Variants in AGXT2 observed in about 807,000 individuals in gnomAD.
AGXT2 encodes the protein alanine--glyoxylate aminotransferase 2, mitochondrial.
A neutral mutation model predicts 62.5 loss-of-function variants in AGXT2; 61 were observed. The observed-to-expected ratio is 0.98, with a 90% confidence interval of 0.79 to 1.21. AGXT2 has a LOEUF of 1.21. AGXT2 is among the 50% of genes most tolerant of loss of function. The probability of loss-of-function intolerance (pLI) is 0.00; values close to 1 mark genes in which losing one functional copy is unlikely to be tolerated. For missense variants in AGXT2, 666 were observed against 641.5 expected (o/e 1.04, Z -0.41); for synonymous variants, 243 against 218.7 (o/e 1.11, Z -0.98).
chr5:35,042,948 T>G (rs1208628029), intron 1 of AGXT2, among the ~76,000 whole-genome samples: 1 of 152,202 alleles, frequency 6.6e-6, no homozygotes, highest in African/African-American at 2.4e-5. Flanking sequence ...ATTCACCAGT[T>G]TTCACTTCAA....
chr5:35,007,681 A>G (rs1336251440), intron 12 of AGXT2, among the ~76,000 whole-genome samples: 1 of 152,198 alleles, frequency 6.6e-6, no homozygotes, highest in Non-Finnish European at 1.5e-5. Context: ...TTATACTAAC[A>G]AATGGTTCAG....
At chr5:35,021,998 G>T (rs1449405734) in intron 9 of AGXT2, among the ~76,000 whole-genome samples, 2 of 152,168 alleles carry the variant, frequency 1.3e-5, no homozygotes, top group Non-Finnish European at 2.9e-5. Flanking sequence ...GGCCATCAGA[G>T]AAATGCAAAT....
chr5:35,010,188 A>C, intron 11 of AGXT2, 39 bp from the exon 12 acceptor site: 1 of 1,613,506 alleles, frequency 6.2e-7, no homozygotes, highest in Non-Finnish European at 8.5e-7. Context: ...ACATGGCAGA[A>C]GTTCTAAGAT....
At chr5:35,019,427 A>C (rs1766979697) in intron 9 of AGXT2, among the ~76,000 whole-genome samples, 3 of 150,746 alleles carry the variant, frequency 2.0e-5, no homozygotes, top group South Asian at 2.1e-4. Context: ...ATCTCACTCA[A>C]AACCGCTCAA....
rs1410395182 is a variant in AGXT2 at position 35,003,851 on chromosome 5, C to G, written c.1349G>C (p.Arg450Pro). Residue 450 changes from arginine to proline, a missense_variant, in exon 13 of 14, where the codon CGG (arginine) becomes CCG (proline). Physicochemically the swap from Arg to Pro is moderately radical, Grantham distance 103. Coordinates refer to ENST00000231420, the MANE Select transcript of AGXT2 (RefSeq NM_031900.4). ...ATTTACTTCTTCACGGGGAAGAGGCCGACAGCTTATCTGTAAATATATTTT... is the reference window on the plus strand; with the variant it reads ...ATTTACTTCTTCACGGGGAAGAGGCGGACAGCTTATCTGTAAATATATTTT... ...IEMVQDKISC[R>P]PLPREEVNQI... 5.0e-6 allele frequency: 8 copies of G among 1,613,822 alleles called. No individual in the cohort carries two copies. Among genetic ancestry groups the G allele is most frequent in the Non-Finnish European group, 5.9e-6 (7 of 1,179,820 alleles).
chr5:35,010,355 A>T (rs542605351), intron 11 of AGXT2, among the ~76,000 whole-genome samples: 1 of 152,042 alleles, frequency 6.6e-6, no homozygotes, highest in Non-Finnish European at 1.5e-5. Flanking sequence ...TCTGCCCCCA[A>T]CTCCCTCACC....
intron 4 of AGXT2, among the ~76,000 whole-genome samples, chr5:35,036,106 A>G (rs1767760448): frequency 6.6e-6 from 1 of 152,062 alleles, no homozygotes; most frequent in Non-Finnish European, 1.5e-5. Context: ...AGTAAACAAA[A>G]AATGCAGCTC....
At chr5:35,007,668 T>C (rs960998952) in intron 12 of AGXT2, among the ~76,000 whole-genome samples, 1 of 152,198 alleles carries the variant, frequency 6.6e-6, no homozygotes, top group Admixed American at 6.5e-5. Context: ...TTAGAGCCCA[T>C]GCTTATACTA....
rs76383366 is a variant in AGXT2 at position 35,006,219 on chromosome 5, C to A, written c.1339-2358G>T. 5.3e-5 allele frequency among the ~76,000 whole-genome samples: 8 copies of A among 152,260 alleles called. No homozygotes were observed. The East Asian group carries it at 1.5e-3, about 29-fold the overall frequency. ...CAATTTTTCATGATTATAAACAATGCTGCAAATATTCCTATTCATACATAT... is the reference window on the plus strand; with the variant it reads ...CAATTTTTCATGATTATAAACAATGATGCAAATATTCCTATTCATACATAT... On this transcript the variant is annotated intron_variant, in intron 12 of 13. Transcript: ENST00000231420.
chr5:35,021,909 T>C, intron 9 of AGXT2, among the ~76,000 whole-genome samples: 1 of 152,046 alleles, frequency 6.6e-6, no homozygotes, highest in Non-Finnish European at 1.5e-5. Flanking sequence ...AACAATTGGG[T>C]GAAGGATATG....
intron 5 of AGXT2, among the ~76,000 whole-genome samples, chr5:35,034,599 C>T (rs13185749): frequency 0.27 from 41,105 of 152,078 alleles, 6,097 homozygotes; most frequent in Non-Finnish European, 0.34. Flanking sequence ...TATACAATTA[C>T]CCAAGGGAGG....
intron 2 of AGXT2, among the ~76,000 whole-genome samples, chr5:35,040,045 G>T (rs1410061502): frequency 6.6e-6 from 1 of 151,718 alleles, no homozygotes; most frequent in African/African-American, 2.4e-5. Flanking sequence ...GTGTGTGCAT[G>T]CACGTGTGCA....
intron 13 of AGXT2, among the ~76,000 whole-genome samples, chr5:35,002,205 A>G (rs913393012): frequency 2.1e-5 from 2 of 95,274 alleles, no homozygotes; most frequent in African/African-American, 5.8e-5. Flanking sequence ...TATGACCTGG[A>G]CTAGAAAAAA....
chr5:35,017,167 G>C (rs919812341), intron 9 of AGXT2, among the ~76,000 whole-genome samples: 2 of 152,072 alleles, frequency 1.3e-5, no homozygotes, highest in African/African-American at 2.4e-5. Context: ...GCCATGATTT[G>C]CCCTTTCTAC....
intron 8 of AGXT2, 188 bp from the exon 9 acceptor site, chr5:35,026,043 A>G: frequency 1.6e-6 from 1 of 629,786 alleles, no homozygotes; most frequent in South Asian, 1.9e-5. Flanking sequence ...ACTTCTGGAA[A>G]AAAGATGCAA....
chr5:35,032,237 C>T (rs142260628), intron 7 of AGXT2, among the ~76,000 whole-genome samples: 30 of 151,954 alleles, frequency 2.0e-4, no homozygotes, highest in African/African-American at 7.0e-4. Flanking sequence ...TAGCTGTCAG[C>T]CACCATGCCC....
intron 9 of AGXT2, among the ~76,000 whole-genome samples, chr5:35,019,750 CA>C (rs1241975423): frequency 6.6e-6 from 1 of 151,930 alleles, no homozygotes; most frequent in South Asian, 2.1e-4. Context: ...AATAGAGACA[CA>C]AAAAACCCTT....
chr5:35,014,310 G>A (rs909140285), intron 9 of AGXT2, among the ~76,000 whole-genome samples, 191 bp from the exon 10 acceptor site: 2 of 151,726 alleles, frequency 1.3e-5, no homozygotes, highest in African/African-American at 2.4e-5. Flanking sequence ...AAAATTAGCC[G>A]GGCACAGTGG....
At chr5:35,000,792 C>T (rs1050199867) in intron 13 of AGXT2, among the ~76,000 whole-genome samples, 4 of 152,242 alleles carry the variant, frequency 2.6e-5, no homozygotes, top group African/African-American at 9.6e-5. Flanking sequence ...TGTGTAAATG[C>T]TGATGACCTA....
Sources: allele counts gnomAD v4.1 joint callset (sites outside exome capture counted in the v4.1 genomes callset), GRCh38; gene constraint gnomAD v4.1.1; transcripts MANE v1.5; gene names NCBI Gene and HGNC (gene_info 2026-07-23, HGNC 2026-07-21).